TRPV1: variants seen among roughly 807,000 people sequenced by gnomAD.
TRPV1 encodes OTRPC1.
A neutral mutation model predicts 82.3 loss-of-function variants in TRPV1; 82 were observed. The observed-to-expected ratio is 1.00, with a 90% CI of 0.83 to 1.20. TRPV1 has a LOEUF of 1.20. TRPV1 is among the 50% of genes most tolerant of loss of function. The pLI, the probability that TRPV1 is intolerant of heterozygous loss-of-function variation, is 0.00. For synonymous variants in TRPV1, 515 were observed against 467.7 expected, an observed-to-expected ratio of 1.10 and a Z score of -1.30; for missense variants, 1,067 against 1,096.8, an observed-to-expected ratio of 0.97 and a Z score of 0.38.
intron 12 of TRPV1, 94 bp downstream of exon 12, chr17:3,577,499 AGGCAC>A: frequency 7.1e-7 from 1 of 1,406,424 alleles, no homozygotes; most frequent in African/African-American, 1.4e-5. Context: ...GCCCCTTCCC[AGGCAC>A]GACAGAGAGG....
chr17:3,602,892 C>T (rs1002437082), intron 2 of TRPV1, among the ~76,000 whole-genome samples: 3 of 152,140 alleles, frequency 2.0e-5, no homozygotes, highest in African/African-American at 2.4e-5. Flanking sequence ...GAGGCCGAGG[C>T]GGGTGGATCG....
Position 3,566,947 on chromosome 17 carries a change from A to C in TRPV1, c.2388T>G (p.Leu796=), listed in dbSNP as rs1299845301. 27 of 1,613,840 alleles carry C rather than the reference A, an allele frequency of 1.7e-5. No homozygotes were observed. The highest frequency in any genetic ancestry group is 2.3e-5 in the Non-Finnish European group (27 of 1,179,882). The change falls in exon 17 of 17, where the codon CTT becomes CTG. Residue 796 remains leucine (L), a synonymous_variant. Transcript: ENST00000572705. The stretch of plus-strand genomic sequence containing the variant: ...TATCTCGAGCACTTGCCTCTCTTAA[A>C]AGGGGGACCAGGGCAAAGTTCTTCC... The part of the protein sequence containing the change: ...RHWKNFALVP[L]LREASARDRQ...
intron 13 of TRPV1, among the ~76,000 whole-genome samples, chr17:3,576,581 G>A (rs528451883): frequency 1.7e-4 from 25 of 148,732 alleles, no homozygotes; most frequent in Admixed American, 3.4e-4. Context: ...GAACCCGGGA[G>A]GCGGAGCCTC....
At chr17:3,588,162 T>C (rs199997956) in intron 8 of TRPV1, 26 bp downstream of exon 8, 2 of 1,544,978 alleles carry the variant, frequency 1.3e-6, no homozygotes, top group Admixed American at 3.9e-5. Flanking sequence ...CCTGAGGCCC[T>C]CCCTGGCTGT....
chr17:3,571,425 T>A (rs2074851602), intron 16 of TRPV1, 99 bp downstream of exon 16: 2 of 943,204 alleles, frequency 2.1e-6, no homozygotes, highest in African/African-American at 3.3e-5. Context: ...CCTGGGGGGA[T>A]GAGGAACCCG....
intron 10 of TRPV1, among the ~76,000 whole-genome samples, chr17:3,582,070 G>C (rs1393729476): frequency 2.7e-5 from 4 of 148,152 alleles, no homozygotes; most frequent in Non-Finnish European, 5.9e-5. Flanking sequence ...GGTGCCTGTA[G>C]TCCCAGCTAC....
At position 3,572,861 on chromosome 17, in the gene TRPV1, C is replaced by T. The variant is rs555444770; in HGVS notation, c.2104-612G>A. 1.1e-3 allele frequency among the ~76,000 whole-genome samples: 166 copies of T among 151,974 alleles called. 1 individual carries two copies. Among genetic ancestry groups the T allele is most frequent in the African/African-American group, 3.1e-3 (129 of 41,410 alleles). The stretch of plus-strand genomic sequence containing the variant: ...AGCTGGGTGTGGTGGTGGGTGCCTG[C>T]AATCCCAGCTACTAGGGAGGCTGAG... On this transcript the variant is annotated intron_variant, in intron 14 of 16. Coordinates refer to ENST00000572705, the MANE Select transcript of TRPV1 (RefSeq NM_080704.4).
intron 11 of TRPV1, among the ~76,000 whole-genome samples, chr17:3,579,344 A>C (rs1360972473): frequency 6.6e-6 from 1 of 152,164 alleles, no homozygotes; most frequent in African/African-American, 2.4e-5. Flanking sequence ...TCTTCCAGGA[A>C]GGAAGAGATC....
chr17:3,598,961 G>A (rs1168496381), intron 2 of TRPV1, among the ~76,000 whole-genome samples: 7 of 151,274 alleles, frequency 4.6e-5, no homozygotes, highest in South Asian at 4.2e-4. Context: ...GCAAAAGGCC[G>A]GGCGCGGTGG....
At position 3,592,037 on chromosome 17, in the gene TRPV1, C is replaced by A. The variant is rs765197898; in HGVS notation, c.284+30G>T. 3.8e-6 allele frequency: 6 copies of A among 1,598,228 alleles called. No individual in the cohort carries two copies. The East Asian group carries it at 1.3e-4, about 36-fold the overall frequency. ...TCTCCATGGCCAGCTGGGCTCCCAG[C>A]AGGGAGGGGGGCTCCAGACGCGGAC... On this transcript the variant is annotated intron_variant, in intron 3 of 16. Coordinates refer to ENST00000572705, the MANE Select transcript of TRPV1 (RefSeq NM_080704.4).
chr17:3,589,018 G>T, intron 7 of TRPV1: 1 of 1,490,492 alleles, frequency 6.7e-7, no homozygotes, highest in Non-Finnish European at 9.0e-7. Flanking sequence ...AGATGGGGTG[G>T]CTCATGCCTG....
intron 14 of TRPV1, among the ~76,000 whole-genome samples, 176 bp from the exon 15 acceptor site, chr17:3,572,425 A>G (rs1425532655): frequency 1.3e-5 from 2 of 152,136 alleles, no homozygotes; most frequent in African/African-American, 4.8e-5. Flanking sequence ...GGTACACTGT[A>G]TACAAGGGGC....
intron 10 of TRPV1, among the ~76,000 whole-genome samples, chr17:3,581,016 C>CA (rs557964098): frequency 0.097 from 11,408 of 117,314 alleles, 812 homozygotes; most frequent in African/African-American, 0.22. Context: ...GACTCCATCT[C>CA]AAAAAAAAAA....
intron 16 of TRPV1, among the ~76,000 whole-genome samples, chr17:3,569,901 T>C (rs1269998336): frequency 2.2e-5 from 3 of 136,284 alleles, no homozygotes; most frequent in Non-Finnish European, 3.1e-5. Flanking sequence ...GCCAAGGGGT[T>C]AGGGGCCAGG....
At chr17:3,587,774 T>C (rs1206580615) in intron 8 of TRPV1, among the ~76,000 whole-genome samples, 5 of 151,446 alleles carry the variant, frequency 3.3e-5, no homozygotes, top group Middle Eastern at 3.4e-3. Flanking sequence ...GATGGCACCA[T>C]TTCACTCCAG....
rs142109436 is a variant in TRPV1, at chr17:3,605,948, ATTAT to A, written c.-34+2475_-34+2478del. On this transcript the variant is annotated intron_variant, in intron 2 of 16. Coordinates refer to ENST00000572705, the MANE Select transcript of TRPV1 (RefSeq NM_080704.4). ...CAGTGGCTTCAAACATCAAAGGTTT[ATTAT>A]TTATTTATTTATTTATTTATTTTAA... 5.1e-4 allele frequency among the ~76,000 whole-genome samples: 76 copies of A among 150,262 alleles called. 4 individuals carry two copies. In the South Asian group the frequency reaches 0.012, roughly 24 times the overall value.
chr17:3,590,022 C>A lies in TRPV1; in HGVS notation c.829G>T (p.Asp277Tyr). 6.4e-7 allele frequency: 1 copy of A among 1,568,790 alleles called. No homozygotes were observed. The highest frequency in any genetic ancestry group is 8.6e-7 in the Non-Finnish European group (1 of 1,157,592). Residue 277 changes from aspartate (D) to tyrosine (Y), a missense_variant, in exon 7 of 17, where the codon GAC becomes TAC. Physicochemically the swap from Asp to Tyr is radical, Grantham distance 160 (BLOSUM62 -3). Coordinates refer to ENST00000572705, the MANE Select transcript of TRPV1 (RefSeq NM_080704.4). Reference protein sequence around the residue: ...FLLQNSWQTADISARDSVGNT... With the variant: ...FLLQNSWQTAYISARDSVGNT... Reference sequence around the variant, plus strand: ...CCCACCGAGTCCCTGGCGCTGATGTCGGCCGTCTGCCAGGAGTTCTGCAGC... The same window carrying A: ...CCCACCGAGTCCCTGGCGCTGATGTAGGCCGTCTGCCAGGAGTTCTGCAGC...
At position 3,577,163 on chromosome 17, in the gene TRPV1, C is replaced by G; in HGVS notation, c.1743G>C (p.Met581Ile). ...KMILRDLCRF[M>I]FVYIVFLFGF... ...CGAACAAGAAGACGATGTAGACAAA[C>G]ATGAAACGGCACAGGTCTCTCAGGA... is the stretch of plus-strand genomic sequence containing the variant. Residue 581 changes from methionine to isoleucine, a missense_variant, in exon 13 of 17, where the codon ATG becomes ATC. Met to Ile is a conservative substitution (Grantham distance 10, BLOSUM62 1). Coordinates refer to ENST00000572705, the MANE Select transcript of TRPV1 (RefSeq NM_080704.4). 6 of 1,587,034 alleles carry G rather than the reference C, an allele frequency of 3.8e-6. No individual in the cohort carries two copies. The highest frequency in any genetic ancestry group is 2.3e-5 in the East Asian group (1 of 43,502).
chr17:3,602,566 G>A (rs1317249163), intron 2 of TRPV1, among the ~76,000 whole-genome samples: 1 of 152,212 alleles, frequency 6.6e-6, no homozygotes, highest in Non-Finnish European at 1.5e-5. Flanking sequence ...TTCTGGGAGG[G>A]AGGGTGGTTT....
Sources: gnomAD v4.1 joint callset for allele counts (sites outside exome capture counted in the v4.1 genomes callset) on GRCh38, gnomAD v4.1.1 for gene constraint, MANE v1.5 for transcripts, NCBI Gene and HGNC (gene_info 2026-07-23, HGNC 2026-07-21) for gene names.